The following RANBP2 variants were observed in gnomAD, a reference collection of about 807,000 sequenced individuals.
RANBP2 encodes the protein E3 SUMO-protein ligase RanBP2.
Under a neutral mutation model 303.6 loss-of-function variants are expected in RANBP2, and 57 were observed. The observed-to-expected ratio is 0.19, with a 90% CI of 0.15 to 0.23. The LOEUF is 0.23. Ranked by LOEUF, RANBP2 falls within the 10% of genes least tolerant of loss-of-function variation. The pLI is 1.00. For missense variants in RANBP2, 3,138 were observed against 3,780.8 expected (o/e 0.83, Z 4.46); for synonymous variants, 1,167 against 1,301.5 (o/e 0.90, Z 2.23).
the RANBP2 span, among the ~76,000 whole-genome samples, chr2:108,873,817 A>G: frequency 1.4e-4 from 22 of 152,176 alleles, no homozygotes; most frequent in African/African-American, 5.1e-4. Flanking sequence ...GCCACATTCA[A>G]AGCCATCCTG....
At chr2:109,261,654 G>A in the RANBP2 span, among the ~76,000 whole-genome samples, 12 of 152,300 alleles carry the variant, frequency 7.9e-5, no homozygotes, top group African/African-American at 1.2e-4. Context: ...GCTGTGTGCT[G>A]GCCAGGCCCC....
At chr2:109,427,698 A>G in the RANBP2 span, among the ~76,000 whole-genome samples, 6 of 152,178 alleles carry the variant, frequency 3.9e-5, no homozygotes, top group Admixed American at 3.3e-4. Flanking sequence ...CCTTCCTTCC[A>G]TGAACTCTGT....
the RANBP2 span, among the ~76,000 whole-genome samples, chr2:109,386,530 T>A: frequency 2.0e-5 from 3 of 152,244 alleles, no homozygotes; most frequent in Non-Finnish European, 4.4e-5. Flanking sequence ...CAGCGTTAGC[T>A]GGATCTTGGG....
chr2:109,474,030 T>C, the RANBP2 span, among the ~76,000 whole-genome samples: 1 of 152,292 alleles, frequency 6.6e-6, no homozygotes, highest in South Asian at 2.1e-4. Flanking sequence ...CTGGAGACTT[T>C]CTGTGCCTCT....
At chr2:109,538,071 T>C in the RANBP2 span, among the ~76,000 whole-genome samples, 4 of 152,230 alleles carry the variant, frequency 2.6e-5, no homozygotes, top group Non-Finnish European at 4.4e-5. Flanking sequence ...AGCAGGGCTG[T>C]GTTCCTTCTG....
the RANBP2 span, among the ~76,000 whole-genome samples, chr2:109,108,095 C>T: frequency 2.8e-4 from 43 of 152,268 alleles, no homozygotes; most frequent in Admixed American, 4.6e-4. Context: ...TTAGTAGAGA[C>T]GGGGTTTCAC....
the RANBP2 span, among the ~76,000 whole-genome samples, chr2:109,588,928 C>T: frequency 2.9e-4 from 43 of 148,056 alleles, no homozygotes; most frequent in Non-Finnish European, 5.6e-4. Flanking sequence ...TAAAAATTCT[C>T]TATTAATCCA....
chr2:109,447,840 C>CAA, the RANBP2 span, among the ~76,000 whole-genome samples: 1 of 152,188 alleles, frequency 6.6e-6, no homozygotes, highest in Non-Finnish European at 1.5e-5. Context: ...CAATCCCTAA[C>CAA]ATCTTTAAGA....
At chr2:108,946,591 C>T in the RANBP2 span, among the ~76,000 whole-genome samples, 6 of 152,208 alleles carry the variant, frequency 3.9e-5, no homozygotes, top group Admixed American at 3.9e-4. Context: ...ACTCACAGTT[C>T]CACATGGCTG....
the RANBP2 span, among the ~76,000 whole-genome samples, chr2:109,072,049 G>A: frequency 1.3e-5 from 2 of 152,340 alleles, no homozygotes. Context: ...GAATACTGAG[G>A]ATGAGCTGCC....
chr2:109,518,939 G>C, the RANBP2 span, among the ~76,000 whole-genome samples: 1 of 48,194 alleles, frequency 2.1e-5, no homozygotes. Context: ...TTTTTTTTTT[G>C]AGGGAGTCTC....
Position 108,764,971 on chromosome 2 carries a change from A to C in RANBP2, c.4432A>C (p.Thr1478Pro), listed in dbSNP as rs763108355. 19 of 1,613,990 alleles carry C rather than the reference A, an allele frequency of 1.2e-5. No homozygotes were observed. In the Middle Eastern group the frequency reaches 8.2e-4, roughly 70 times the overall value. ...INSDFRSVFS[T>P]KEGQWDCSAC... is the part of the protein sequence containing the mutation. The stretch of plus-strand genomic sequence containing the variant: ...CAGTGATTTCAGATCTGTTTTTTCT[A>C]CAAAGGAAGGACAGTGGGATTGCAG... Residue 1478 changes from threonine (T) to proline (P), a missense_variant, in exon 20 of 29, where the codon ACA becomes CCA. Transcript: ENST00000283195.
At chr2:109,247,978 ATTG>A in the RANBP2 span, among the ~76,000 whole-genome samples, 1 of 152,102 alleles carries the variant, frequency 6.6e-6, no homozygotes, top group Non-Finnish European at 1.5e-5. Flanking sequence ...CTGCATCATA[ATTG>A]TTGTTGTCTC....
the RANBP2 span, among the ~76,000 whole-genome samples, chr2:109,237,790 A>G: frequency 1.1e-3 from 165 of 152,332 alleles, no homozygotes; most frequent in African/African-American, 3.7e-3. Context: ...CTGAAAACAA[A>G]CACAAAAAAC....
At chr2:109,139,156 C>T in the RANBP2 span, among the ~76,000 whole-genome samples, 1 of 152,162 alleles carries the variant, frequency 6.6e-6, no homozygotes, top group African/African-American at 2.4e-5. Context: ...CCCAAATCTG[C>T]GTAACTTAAA....
At chr2:109,562,924 T>C in the RANBP2 span, among the ~76,000 whole-genome samples, 1 of 152,096 alleles carries the variant, frequency 6.6e-6, no homozygotes, top group East Asian at 1.9e-4. Flanking sequence ...TTTTTTTTTT[T>C]CTTTGAGATG....
chr2:109,108,727 G>A, the RANBP2 span, among the ~76,000 whole-genome samples: 1 of 152,232 alleles, frequency 6.6e-6, no homozygotes, highest in Admixed American at 6.5e-5. Flanking sequence ...GAGCACATAG[G>A]GCGAGAGTGC....
chr2:109,716,634 C>A, the RANBP2 span, among the ~76,000 whole-genome samples: 1 of 152,176 alleles, frequency 6.6e-6, no homozygotes, highest in Non-Finnish European at 1.5e-5. Flanking sequence ...GCAGCCTCCA[C>A]CTCCCAGGCT....
chr2:109,641,417 A>G, the RANBP2 span, among the ~76,000 whole-genome samples: 3 of 152,232 alleles, frequency 2.0e-5, no homozygotes, highest in Non-Finnish European at 4.4e-5. Context: ...CAGCCTAAAA[A>G]AGAAGGAAAT....
Sources: allele counts gnomAD v4.1 joint callset (sites outside exome capture counted in the v4.1 genomes callset), GRCh38; gene constraint gnomAD v4.1.1; transcripts MANE v1.5; gene names NCBI Gene and HGNC (gene_info 2026-07-23, HGNC 2026-07-21).